The following PAMR1 variants were observed in gnomAD, a reference collection of about 807,000 sequenced individuals.
PAMR1 encodes the protein inactive serine protease PAMR1.
A neutral mutation model predicts 81.8 loss-of-function variants in PAMR1; 88 were observed. That is an observed-to-expected ratio of 1.08 (90% CI 0.91 to 1.28). The LOEUF (loss-of-function observed/expected upper bound fraction) is 1.28, where lower values mean the gene tolerates loss of function less well. Among genes scored for constraint, PAMR1 ranks in the 50% most tolerant of loss-of-function variants. The probability of loss-of-function intolerance (pLI) is 0.00; values close to 1 mark genes in which losing one functional copy is unlikely to be tolerated. For missense variants in PAMR1, 935 were observed against 919.7 expected (o/e 1.02, Z -0.21); for synonymous variants, 336 against 345.3 (o/e 0.97, Z 0.30).
intron 6 of PAMR1, among the ~76,000 whole-genome samples, chr11:35,467,069 C>G (rs374244769): frequency 2.6e-5 from 4 of 152,118 alleles, no homozygotes; most frequent in East Asian, 3.9e-4. Context: ...TTCCCCAGGG[C>G]AGCCCGCACC....
intron 1 of PAMR1, among the ~76,000 whole-genome samples, chr11:35,522,282 T>C (rs1851301079): frequency 6.6e-6 from 1 of 152,210 alleles, no homozygotes; most frequent in African/African-American, 2.4e-5. Flanking sequence ...TGTGCAACCA[T>C]CACCACCATC....
chr11:35,468,450 T>C (rs913030674), intron 5 of PAMR1, among the ~76,000 whole-genome samples: 85 of 152,184 alleles, frequency 5.6e-4, no homozygotes, highest in African/African-American at 1.9e-3. Context: ...GACAGAGACA[T>C]CCTTGGGTAG....
chr11:35,447,758 T>C (rs1279207311), intron 6 of PAMR1, among the ~76,000 whole-genome samples: 1 of 152,198 alleles, frequency 6.6e-6, no homozygotes, highest in African/African-American at 2.4e-5. Context: ...TCTACTTCAG[T>C]GTGTTTTTGT....
In PAMR1 at chr11:35,462,051, TC is replaced by T. The variant is rs1856667904; in HGVS notation, c.820+5949del. Among the ~76,000 whole-genome samples the T allele has an allele frequency of 2.0e-5, 3 of 150,020 alleles. No individual in the cohort carries two copies. The South Asian group carries it at 6.2e-4, about 31-fold the overall frequency. On this transcript the variant is annotated intron_variant, in intron 6 of 10. Coordinates refer to ENST00000619888, the MANE Select transcript of PAMR1 (RefSeq NM_001001991.3). ...AGTCTTGATTGCTCCTTTTTTTTTT[TC>T]TTCTCCCTGTCCGTTTAACAAAATA...
At chr11:35,519,350 G>A (rs1190648129) in intron 1 of PAMR1, among the ~76,000 whole-genome samples, 2 of 152,098 alleles carry the variant, frequency 1.3e-5, no homozygotes, top group African/African-American at 4.8e-5. Flanking sequence ...TTCACTCCAG[G>A]TCTGCTCCTC....
chr11:35,453,303 T>A (rs760187746), intron 6 of PAMR1: 1 of 152,212 alleles, frequency 6.6e-6, no homozygotes, highest in East Asian at 1.9e-4. Flanking sequence ...TCAAACATAA[T>A]GCAATATTCC....
chr11:35,481,592 G>A (rs1015131767), intron 3 of PAMR1, among the ~76,000 whole-genome samples: 10 of 151,932 alleles, frequency 6.6e-5, no homozygotes, highest in East Asian at 1.9e-4. Flanking sequence ...GCATGACCTC[G>A]GCTCACTGCA....
chr11:35,436,022 T>C lies in PAMR1; in HGVS notation c.1214A>G (p.His405Arg). ...PFGDLPMGYQHLHTQLQYECI... is the reference protein window; with the variant it reads ...PFGDLPMGYQRLHTQLQYECI... ...CTCATACTGGAGCTGGGTATGCAGA[T>C]GTTGGTATCCCATGGGCAGATCTCC... is the stretch of plus-strand genomic sequence containing the variant. The change falls in exon 9 of 11, where the codon CAT becomes CGT. Residue 405 changes from histidine to arginine, a missense_variant. Transcript: ENST00000619888. 1 of 1,614,084 alleles carries C rather than the reference T, an allele frequency of 6.2e-7. No homozygotes were observed. The highest frequency in any genetic ancestry group is 8.5e-7 in the Non-Finnish European group (1 of 1,179,978).
chr11:35,492,401 G>A (rs1850648005), intron 2 of PAMR1, among the ~76,000 whole-genome samples: 1 of 152,166 alleles, frequency 6.6e-6, no homozygotes, highest in Non-Finnish European at 1.5e-5. Context: ...AGTATCCCAG[G>A]TAGTGGCTGC....
At chr11:35,525,374 AC>A (rs372899117) in intron 1 of PAMR1, 138 bp downstream of exon 1, 36 of 645,960 alleles carry the variant, frequency 5.6e-5, no homozygotes, top group African/African-American at 1.5e-4. Flanking sequence ...GAAAAGCACC[AC>A]CCCCCCTCAA....
upstream of PAMR1, chr11:35,525,938 TGGGC>T (rs1451015489): frequency 6.7e-6 from 2 of 299,520 alleles, no homozygotes; most frequent in East Asian, 1.3e-4. Flanking sequence ...CATAGGACCC[TGGGC>T]GGGAGCAGAG....
At chr11:35,472,295 G>A (rs142559361) in intron 4 of PAMR1, among the ~76,000 whole-genome samples, 140 of 152,278 alleles carry the variant, frequency 9.2e-4, no homozygotes, top group Admixed American at 2.5e-3. Context: ...AGTTTTTTCC[G>A]AAGCTGAAGA....
At chr11:35,517,819 C>T (rs544602736) in intron 1 of PAMR1, among the ~76,000 whole-genome samples, 5 of 152,322 alleles carry the variant, frequency 3.3e-5, no homozygotes, top group African/African-American at 9.6e-5. Context: ...TTGCCAACAC[C>T]TATAACCATG....
chr11:35,474,392 T>C (rs560715396), intron 4 of PAMR1, among the ~76,000 whole-genome samples: 52 of 152,358 alleles, frequency 3.4e-4, no homozygotes, highest in African/African-American at 1.2e-3. Context: ...CTCAGTATTT[T>C]GCTTTGTTGA....
chr11:35,471,615 G>T (rs1182443930), intron 4 of PAMR1, among the ~76,000 whole-genome samples: 1 of 152,154 alleles, frequency 6.6e-6, no homozygotes, highest in Non-Finnish European at 1.5e-5. Context: ...AGAGAAAGTA[G>T]CACCAAGTCA....
chr11:35,443,265 A>G (rs1483010057), intron 6 of PAMR1, among the ~76,000 whole-genome samples: 1 of 151,910 alleles, frequency 6.6e-6, no homozygotes, highest in Non-Finnish European at 1.5e-5. Flanking sequence ...TTACATAGGT[A>G]AACGTGTGCC....
chr11:35,452,544 G>T (rs1178287408), intron 6 of PAMR1, among the ~76,000 whole-genome samples: 2 of 152,190 alleles, frequency 1.3e-5, no homozygotes, highest in African/African-American at 4.8e-5. Context: ...GCAGCCAAGG[G>T]TTGGGGGAGA....
chr11:35,434,885 C>A, intron 9 of PAMR1, 81 bp from the exon 10 acceptor site: 1 of 1,395,904 alleles, frequency 7.2e-7, no homozygotes, highest in South Asian at 1.3e-5. Context: ...CCAGAGAGCA[C>A]AAATCTGGAA....
chr11:35,480,036 A>G (rs139641441), intron 3 of PAMR1, among the ~76,000 whole-genome samples: 4 of 152,292 alleles, frequency 2.6e-5, no homozygotes, highest in Non-Finnish European at 4.4e-5. Context: ...ACCTGACTCT[A>G]TGATTGTTTA....
Sources: allele counts gnomAD v4.1 joint callset (sites outside exome capture counted in the v4.1 genomes callset), GRCh38; gene constraint gnomAD v4.1.1; transcripts MANE v1.5; gene names NCBI Gene and HGNC (gene_info 2026-07-23, HGNC 2026-07-21).